The following MKRN2OS variants were observed in gnomAD, a reference collection of about 807,000 sequenced individuals.
MKRN2OS encodes the protein MKRN2 opposite strand, also known as MKRN2 opposite strand protein.
In MKRN2OS, 17 loss-of-function variants were observed where a neutral mutation model predicts 18.2. That is an observed-to-expected ratio of 0.93 (90% CI 0.64 to 1.40). The LOEUF (loss-of-function observed/expected upper bound fraction) is 1.40. Among genes scored for constraint, MKRN2OS ranks in the 40% most tolerant of loss-of-function variants. The pLI is 0.00. For synonymous variants in MKRN2OS, 121 were observed against 108.5 expected (o/e 1.12, Z -0.72); for missense variants, 337 against 283.0 (o/e 1.19, Z -1.37).
At chr3:12,558,421 T>C (rs1386944332) in intron 1 of MKRN2OS, among the ~76,000 whole-genome samples, 1 of 152,202 alleles carries the variant, frequency 6.6e-6, no homozygotes, top group African/African-American at 2.4e-5. Context: ...CATTGTGCAC[T>C]GTAAAGCAGC....
At chr3:12,542,108 T>C in intron 2 of MKRN2OS, 86 bp from the exon 3 acceptor site, 1 of 1,340,540 alleles carries the variant, frequency 7.5e-7, no homozygotes, top group Admixed American at 2.4e-5. Context: ...ACAGTAGCCA[T>C]GTGGTAACTT....
intron 2 of MKRN2OS, among the ~76,000 whole-genome samples, chr3:12,542,548 G>A (rs1378065120): frequency 6.6e-6 from 1 of 151,896 alleles, no homozygotes; most frequent in Non-Finnish European, 1.5e-5. Flanking sequence ...GTGAGGCCTG[G>A]GTAGGTGCCT....
In MKRN2OS at chr3:12,540,256, G is replaced by A; in HGVS notation, c.609C>T (p.Gly203=). 6.5e-7 allele frequency: 1 copy of A among 1,536,156 alleles called. No homozygotes were observed. The highest frequency in any genetic ancestry group is 8.7e-7 in the Non-Finnish European group (1 of 1,146,914). Reference sequence around the variant, plus strand: ...GCTGGGGACAGTCAGTGACGTAGAAGCCATGCTCCCGTATCGCCCGGTAGA... The same window carrying A: ...GCTGGGGACAGTCAGTGACGTAGAAACCATGCTCCCGTATCGCCCGGTAGA... ...ITLYRAIREH[G]FYVTDCPQQQ... Residue 203 remains glycine, a synonymous_variant, in exon 4 of 4, where the codon GGC becomes GGT. Transcript: ENST00000564146.
intron 1 of MKRN2OS, among the ~76,000 whole-genome samples, chr3:12,545,023 TCATATATTCCA>T (rs61028797): frequency 0.067 from 10,217 of 152,280 alleles, 456 homozygotes; most frequent in Admixed American, 0.16. Flanking sequence ...GGTTTACTCT[TCATATATTCCA>T]CATATATTCT....
At chr3:12,557,838 A>G (rs1437834453) in intron 1 of MKRN2OS, among the ~76,000 whole-genome samples, 2 of 152,242 alleles carry the variant, frequency 1.3e-5, no homozygotes, top group East Asian at 3.8e-4. Context: ...ACACTCATTT[A>G]TCTTACTGAG....
chr3:12,553,445 T>G (rs1180352036), downstream of MKRN2OS, among the ~76,000 whole-genome samples: 2 of 150,168 alleles, frequency 1.3e-5, no homozygotes, highest in Admixed American at 6.6e-5. Context: ...AAAAAAAAAG[T>G]GATAAAAGTC....
In MKRN2OS at chr3:12,557,182, T is replaced by A; in HGVS notation, n.265-3048A>T. The A allele has an allele frequency of 6.5e-7, 1 of 1,536,254 alleles. No homozygotes were observed. The highest frequency in any genetic ancestry group is 1.2e-5 in the South Asian group (1 of 82,600). ...ACCAAGCAGATCACTTGCAGGTCAG[T>A]GCGCTGGAGCCAGGAGCTTCGGGCC... On this transcript the variant is annotated intron_variant and non_coding_transcript_variant, in intron 1 of 1. Coordinates refer to the MKRN2OS transcript ENST00000447550.
At chr3:12,542,081 A>C in intron 2 of MKRN2OS, 59 bp from the exon 3 acceptor site, 1 of 1,471,214 alleles carries the variant, frequency 6.8e-7, no homozygotes, top group Non-Finnish European at 9.1e-7. Flanking sequence ...TCTGTGAAAA[A>C]GAGACATCAG....
upstream of MKRN2OS, among the ~76,000 whole-genome samples, chr3:12,546,574 G>GTTTTTTTT (rs1559382062): frequency 1.6e-5 from 2 of 125,054 alleles, no homozygotes; most frequent in African/African-American, 6.5e-5. Flanking sequence ...GGGTACATGG[G>GTTTTTTTT]ATTTTTTTTT....
upstream of MKRN2OS, among the ~76,000 whole-genome samples, chr3:12,548,265 G>T (rs1336394957): frequency 6.6e-6 from 1 of 151,984 alleles, no homozygotes; most frequent in Non-Finnish European, 1.5e-5. Flanking sequence ...TGGCTGACAC[G>T]GTGAAACCTC....
downstream of MKRN2OS, among the ~76,000 whole-genome samples, chr3:12,550,821 T>C (rs1395164307): frequency 2.9e-5 from 1 of 34,008 alleles, no homozygotes; most frequent in East Asian, 2.4e-4. Context: ...TATTTTGTTA[T>C]GTTGGGTTAT....
At chr3:12,554,185 G>C (rs1044804940) in intron 1 of MKRN2OS, 16 of 152,194 alleles carry the variant, frequency 1.1e-4, no homozygotes, top group African/African-American at 3.9e-4. Flanking sequence ...GCAGTTTTAC[G>C]CGCCCCTGCT....
At chr3:12,560,030 C>A (rs993340647) in intron 1 of MKRN2OS, among the ~76,000 whole-genome samples, 5 of 152,176 alleles carry the variant, frequency 3.3e-5, no homozygotes, top group African/African-American at 1.2e-4. Context: ...GTTCTGGATT[C>A]TAATCCTGGT....
At chr3:12,547,933 CTT>C (rs1381123521), upstream of MKRN2OS, among the ~76,000 whole-genome samples, 2 of 152,174 alleles carry the variant, frequency 1.3e-5, no homozygotes, top group Admixed American at 6.5e-5. Context: ...CCAACCTTCT[CTT>C]GTTACAGTGA....
Position 12,545,465 on chromosome 3 carries a change from A to T in MKRN2OS, c.-1T>A, listed in dbSNP as rs1559381724. On this transcript the variant is annotated 5_prime_UTR_variant, in exon 1 of 4. Coordinates refer to ENST00000564146, the MANE Select transcript of MKRN2OS (RefSeq NM_001195279.2). ...CCTTCCCAGCCTCTGCGCAGTGCAT[A>T]GCTTTCGCCTCCTGGAATGCTAGGG... 6.6e-7 allele frequency: 1 copy of T among 1,511,464 alleles called. No homozygotes were observed. The highest frequency in any genetic ancestry group is 1.4e-5 in the African/African-American group (1 of 72,250). The allele number at this position is 1,511,464 out of a possible 1,614,324, so 93.6% of individuals were successfully genotyped here. A position where few individuals can be genotyped will look rare whatever the true frequency, so the allele number is the denominator to read the frequency against.
rs561755475 is a variant in MKRN2OS at position 12,543,358 on chromosome 3, G to A, written c.219-129C>T. ...TCCCAGCACTTTGGGAGGCCAAGGC[G>A]GGCAGATCACTTGAGGCCAGGAGTT... On this transcript the variant is annotated intron_variant, in intron 1 of 3. Transcript: ENST00000564146. 1.2e-4 allele frequency: 85 copies of A among 688,130 alleles called. No homozygotes were observed. The Admixed American group carries it at 1.8e-3, about 15-fold the overall frequency. The allele number at this position is 688,130 out of a possible 1,614,324, so 42.6% of individuals were successfully genotyped here.
At chr3:12,555,630 A>G (rs911089875) in intron 1 of MKRN2OS, among the ~76,000 whole-genome samples, 1 of 152,234 alleles carries the variant, frequency 6.6e-6, no homozygotes, top group Non-Finnish European at 1.5e-5. Context: ...TATTTATATG[A>G]AAGTCAAGAA....
chr3:12,546,300 G>A (rs1443558317), upstream of MKRN2OS, among the ~76,000 whole-genome samples: 1 of 151,852 alleles, frequency 6.6e-6, no homozygotes, highest in Non-Finnish European at 1.5e-5. Flanking sequence ...AATGTTCTGG[G>A]GATTTTTTTA....
chr3:12,559,187 A>G (rs2058013505), intron 1 of MKRN2OS, among the ~76,000 whole-genome samples: 1 of 152,238 alleles, frequency 6.6e-6, no homozygotes, highest in Non-Finnish European at 1.5e-5. Flanking sequence ...GCCTTGCCAA[A>G]TAAAAAACAT....
Sources: allele counts gnomAD v4.1 joint callset (sites outside exome capture counted in the v4.1 genomes callset), GRCh38; gene constraint gnomAD v4.1.1; transcripts MANE v1.5; gene names NCBI Gene and HGNC (gene_info 2026-07-23, HGNC 2026-07-21).